TNS3: variants seen among roughly 807,000 people sequenced by gnomAD.
The protein encoded by TNS3 is tensin-3.
In TNS3, 45 loss-of-function variants were observed where a neutral mutation model predicts 140.9. The observed-to-expected ratio is 0.32, with a 90% CI of 0.25 to 0.41. TNS3 has a LOEUF of 0.41. Among genes scored for constraint, TNS3 ranks in the 10% least tolerant of loss-of-function variants. TNS3 has a pLI of 1.00. For missense variants in TNS3, 1,716 were observed against 1,906.7 expected (o/e 0.90, Z 1.86); for synonymous variants, 815 against 788.4 (o/e 1.03, Z -0.56).
intron 17 of TNS3, among the ~76,000 whole-genome samples, chr7:47,352,465 G>A (rs2151036080): frequency 6.6e-6 from 1 of 152,312 alleles, no homozygotes; most frequent in East Asian, 1.9e-4. Context: ...GATGGTCCGT[G>A]ATGGTGGAGG....
intron 4 of TNS3, among the ~76,000 whole-genome samples, chr7:47,455,655 G>A (rs775006010): frequency 4.6e-5 from 7 of 152,182 alleles, no homozygotes; most frequent in Non-Finnish European, 1.0e-4. Flanking sequence ...TCCTGGAGGT[G>A]CTGGATAAGT....
chr7:47,339,515 T>C (rs1268411004), intron 20 of TNS3, among the ~76,000 whole-genome samples: 2 of 152,162 alleles, frequency 1.3e-5, no homozygotes, highest in African/African-American at 4.8e-5. Flanking sequence ...TGTAGGCCTG[T>C]TTCTGGGTTC....
chr7:47,554,659 G>A (rs527490385), intron 1 of TNS3, among the ~76,000 whole-genome samples: 5 of 152,326 alleles, frequency 3.3e-5, no homozygotes, highest in African/African-American at 1.2e-4. Flanking sequence ...AGATGTGACT[G>A]AATTGCTGCA....
chr7:47,515,108 C>G (rs1562821220), intron 2 of TNS3, among the ~76,000 whole-genome samples: 1 of 152,102 alleles, frequency 6.6e-6, no homozygotes, highest in East Asian at 1.9e-4. Context: ...ACTTAAAGTT[C>G]CAAGAGTAGA....
At chr7:47,436,363 T>C (rs1795182284) in intron 7 of TNS3, among the ~76,000 whole-genome samples, 1 of 152,188 alleles carries the variant, frequency 6.6e-6, no homozygotes, top group East Asian at 1.9e-4. Context: ...TACATACATA[T>C]ATGTACCACA....
Position 47,415,158 on chromosome 7 carries a change from A to G in TNS3, c.522T>C (p.Asn174=), listed in dbSNP as rs1167687626. ...CAAAATGCAGGAACAGGGGAGAGGC[A>G]TTCATTTTCACCGATCCGGACAGGA... ...SGLLSGSVKM[N]ASPLFLHFVI... Residue 174 remains asparagine, a synonymous_variant, in exon 11 of 31, where the codon AAT becomes AAC. Transcript: ENST00000311160. The G allele has an allele frequency of 6.2e-7, 1 of 1,611,134 alleles. No homozygotes were observed. Among genetic ancestry groups the G allele is most frequent in the South Asian group, 1.1e-5 (1 of 90,546 alleles).
intron 1 of TNS3, among the ~76,000 whole-genome samples, chr7:47,530,838 A>AAAAAAAATATATATAT: frequency 3.7e-5 from 2 of 54,564 alleles, no homozygotes; most frequent in Non-Finnish European, 6.6e-5. Context: ...AAAAAAAAAA[A>AAAAAAAATATATATAT]ATATATATAT....
Position 47,303,448 on chromosome 7 carries a change from A to G in TNS3, c.2959T>C (p.Cys987Arg). ...GTRKDSPVLS[C>R]FPPSELQAPF... ...GCCTGGAGCTCTGACGGCGGGAAGC[A>G]GGACAGCACTGGGGAGTCCTTCCTG... Residue 987 changes from cysteine (C) to arginine (R), a missense_variant, in exon 22 of 31, where the codon TGC becomes CGC. This residue lies in a region of TNS3 where 1,163 missense variants were observed against 1,182.1 expected (regional missense o/e 0.98). Transcript: ENST00000311160. The G allele has an allele frequency of 6.2e-7, 1 of 1,613,048 alleles. No homozygotes were observed.
chr7:47,444,507 C>G lies in TNS3; in HGVS notation c.-75-2452G>C, dbSNP rs560343472. On this transcript the variant is annotated intron_variant, in intron 4 of 30. Coordinates refer to ENST00000311160, the MANE Select transcript of TNS3 (RefSeq NM_022748.12). Reference sequence around the variant, plus strand: ...AACCACACAAATACGTGACTGCTCACTGCCGGCACCAACGTGATGGGGTAG... The same window carrying G: ...AACCACACAAATACGTGACTGCTCAGTGCCGGCACCAACGTGATGGGGTAG... Among the ~76,000 whole-genome samples the G allele has an allele frequency of 3.9e-5, 6 of 152,376 alleles. No individual in the cohort carries two copies. In the South Asian group the frequency reaches 1.2e-3, roughly 32 times the overall value.
upstream of TNS3, chr7:47,582,209 C>G (rs1434686926): frequency 2.6e-5 from 4 of 152,944 alleles, no homozygotes; most frequent in Non-Finnish European, 5.8e-5. Context: ...GCCCCCGCGC[C>G]CGCGCCCCGA....
At chr7:47,302,307 G>A (rs759430093) in intron 22 of TNS3, 35 bp from the exon 23 acceptor site, 1 of 1,557,602 alleles carries the variant, frequency 6.4e-7, no homozygotes, top group Non-Finnish European at 8.9e-7. Flanking sequence ...TGACCATGAT[G>A]GGCACTTTTC....
intron 2 of TNS3, among the ~76,000 whole-genome samples, chr7:47,518,068 C>T (rs1312260494): frequency 6.6e-6 from 1 of 152,224 alleles, no homozygotes; most frequent in Non-Finnish European, 1.5e-5. Context: ...AGTATTTGCA[C>T]AGGCCTTTGT....
At chr7:47,401,025 T>C (rs758832870) in intron 13 of TNS3, 111 bp from the exon 14 acceptor site, 516 of 1,472,030 alleles carry the variant, frequency 3.5e-4, no homozygotes, top group Non-Finnish European at 4.6e-4. Context: ...CTCTGGACTC[T>C]GGCTGGGAGT....
chr7:47,427,507 T>C (rs1489773105), intron 9 of TNS3, among the ~76,000 whole-genome samples: 1 of 152,194 alleles, frequency 6.6e-6, no homozygotes. Context: ...CAGATGCAAA[T>C]GTAGACCCCA....
intron 1 of TNS3, among the ~76,000 whole-genome samples, chr7:47,537,130 G>A (rs1799628904): frequency 2.0e-5 from 3 of 151,954 alleles, no homozygotes; most frequent in African/African-American, 7.2e-5. Context: ...CGCCCGCGGG[G>A]AGCCGGGCTC....
intron 3 of TNS3, among the ~76,000 whole-genome samples, chr7:47,484,340 T>A (rs1429500912): frequency 6.6e-6 from 1 of 152,208 alleles, no homozygotes; most frequent in Admixed American, 6.5e-5. Flanking sequence ...GCAAAAACCA[T>A]GACCAAGTGA....
At position 47,368,610 on chromosome 7, in the gene TNS3, C is replaced by A; in HGVS notation, c.2036G>T (p.Gly679Val). ...GGAGGGGCCTGTGCTCAGCTCTGGG[C>A]CGGCTCCATTCACAACCTGGTCTCC... ...FPGDQVVNGA[G>V]PELSTGPSPG... The change falls in exon 17 of 31, where the codon GGC (glycine) becomes GTC (valine). Residue 679 changes from glycine (G) to valine (V), a missense_variant. Gly to Val is a moderately radical substitution (Grantham distance 109). Around this residue, in one of 3 missense-constraint regions of TNS3, gnomAD observed 1,163 missense variants for 1,182.1 expected, o/e 0.98. Coordinates refer to ENST00000311160, the MANE Select transcript of TNS3 (RefSeq NM_022748.12). 1 of 1,590,834 alleles carries A rather than the reference C, an allele frequency of 6.3e-7. No homozygotes were observed. Among genetic ancestry groups the A allele is most frequent in the Non-Finnish European group, 8.6e-7 (1 of 1,168,656 alleles).
At chr7:47,329,809 C>A (rs1055345319) in intron 20 of TNS3, among the ~76,000 whole-genome samples, 1 of 152,036 alleles carries the variant, frequency 6.6e-6, no homozygotes, top group Non-Finnish European at 1.5e-5. Flanking sequence ...GATGGCACTC[C>A]CAAGGGTGGG....
chr7:47,431,800 T>C (rs1195873502), intron 8 of TNS3, among the ~76,000 whole-genome samples: 1 of 151,942 alleles, frequency 6.6e-6, no homozygotes, highest in Non-Finnish European at 1.5e-5. Context: ...CTAGATAAGA[T>C]AAAAAGAGAA....
Sources: allele counts gnomAD v4.1 joint callset (sites outside exome capture counted in the v4.1 genomes callset), GRCh38; gene constraint gnomAD v4.1.1; regional missense constraint gnomAD v4.1.1; transcripts MANE v1.5; gene names NCBI Gene and HGNC (gene_info 2026-07-23, HGNC 2026-07-21).